SORCS1: variants seen among roughly 807,000 people sequenced by gnomAD.
SORCS1 encodes the protein sortilin related VPS10 domain containing receptor 1, also known as VPS10 domain-containing receptor SorCS1.
A neutral mutation model predicts 146.1 loss-of-function variants in SORCS1; 60 were observed. The observed-to-expected ratio is 0.41, with a 90% confidence interval of 0.33 to 0.51. The LOEUF (loss-of-function observed/expected upper bound fraction) is 0.51. Ranked by LOEUF, SORCS1 falls within the 20% of genes least tolerant of loss-of-function variation. SORCS1 has a pLI of 0.21. For synonymous variants in SORCS1, 637 were observed against 584.0 expected, an observed-to-expected ratio of 1.09 and a Z score of -1.31; for missense variants, 1,352 against 1,487.6, an observed-to-expected ratio of 0.91 and a Z score of 1.50.
intron 1 of SORCS1, among the ~76,000 whole-genome samples, chr10:107,002,785 G>A (rs1957272431): frequency 1.3e-5 from 2 of 152,030 alleles, no homozygotes; most frequent in South Asian, 4.2e-4. Flanking sequence ...AAAACCTAGA[G>A]GAAATAACAA....
chr10:106,732,113 C>T (rs1243473119), intron 5 of SORCS1, among the ~76,000 whole-genome samples: 1 of 152,166 alleles, frequency 6.6e-6, no homozygotes, highest in Non-Finnish European at 1.5e-5. Flanking sequence ...CCTTAAAGCC[C>T]TGTTATCGCT....
chr10:107,071,725 A>C (rs1962441372), intron 1 of SORCS1, among the ~76,000 whole-genome samples: 1 of 152,208 alleles, frequency 6.6e-6, no homozygotes, highest in Non-Finnish European at 1.5e-5. Flanking sequence ...TAACACTCAC[A>C]CTAGTCAGTC....
At chr10:106,892,356 C>A (rs924794654) in intron 2 of SORCS1, among the ~76,000 whole-genome samples, 1 of 152,182 alleles carries the variant, frequency 6.6e-6, no homozygotes, top group Non-Finnish European at 1.5e-5. Flanking sequence ...TGGTTATTTA[C>A]CTACTTCAAA....
At chr10:106,674,628 C>A (rs1161133756) in intron 14 of SORCS1, among the ~76,000 whole-genome samples, 3 of 152,132 alleles carry the variant, frequency 2.0e-5, no homozygotes, top group Admixed American at 1.3e-4. Flanking sequence ...ACAGACTGTT[C>A]TCATGATTTT....
intron 3 of SORCS1, among the ~76,000 whole-genome samples, chr10:106,816,145 T>C (rs1207057580): frequency 6.6e-6 from 1 of 152,202 alleles, no homozygotes; most frequent in Non-Finnish European, 1.5e-5. Context: ...CAACAGAAGG[T>C]AGTGGAAATA....
At chr10:106,865,767 A>G (rs1950203235) in intron 2 of SORCS1, among the ~76,000 whole-genome samples, 1 of 151,206 alleles carries the variant, frequency 6.6e-6, no homozygotes, top group Non-Finnish European at 1.5e-5. Flanking sequence ...AAAAATAAAT[A>G]AATAAAAAGT....
intron 1 of SORCS1, among the ~76,000 whole-genome samples, chr10:107,152,848 T>C (rs1968937943): frequency 6.6e-6 from 1 of 152,162 alleles, no homozygotes; most frequent in African/African-American, 2.4e-5. Context: ...TTTCATCTCT[T>C]CCTCTCTTTT....
At chr10:107,068,931 T>C (rs1446230021) in intron 1 of SORCS1, among the ~76,000 whole-genome samples, 2 of 150,894 alleles carry the variant, frequency 1.3e-5, no homozygotes, top group African/African-American at 4.9e-5. Flanking sequence ...GAGGGAGGCA[T>C]CGCCCAAGTA....
intron 1 of SORCS1, among the ~76,000 whole-genome samples, chr10:107,092,026 C>T (rs969949742): frequency 3.3e-5 from 5 of 152,088 alleles, no homozygotes; most frequent in Middle Eastern, 3.4e-3. Context: ...AAGAGATTTC[C>T]GAGAAGAGCT....
At chr10:107,091,466 G>A (rs1213473964) in intron 1 of SORCS1, among the ~76,000 whole-genome samples, 1 of 152,188 alleles carries the variant, frequency 6.6e-6, no homozygotes, top group African/African-American at 2.4e-5. Flanking sequence ...ATTTCCTGGA[G>A]GATAAATCTT....
chr10:106,820,259 T>C (rs1001950897), intron 3 of SORCS1, among the ~76,000 whole-genome samples: 3 of 152,212 alleles, frequency 2.0e-5, no homozygotes, highest in African/African-American at 7.2e-5. Flanking sequence ...CCAGCTGTTA[T>C]ATTGTATATA....
At chr10:106,890,672 A>G (rs935656499) in intron 2 of SORCS1, among the ~76,000 whole-genome samples, 3 of 152,200 alleles carry the variant, frequency 2.0e-5, no homozygotes, top group African/African-American at 7.2e-5. Flanking sequence ...TTCTTAAGTT[A>G]CCAGAAGTTT....
intron 1 of SORCS1, among the ~76,000 whole-genome samples, chr10:107,023,461 A>T (rs2133884017): frequency 6.6e-6 from 1 of 152,366 alleles, no homozygotes; most frequent in East Asian, 1.9e-4. Flanking sequence ...TTCATGCACC[A>T]AATTTAATCC....
At chr10:106,587,210 C>T (rs1171210143) in intron 24 of SORCS1, among the ~76,000 whole-genome samples, 2 of 151,958 alleles carry the variant, frequency 1.3e-5, no homozygotes, top group Non-Finnish European at 2.9e-5. Context: ...ATATCGGTAC[C>T]AAGGCTTTAC....
chr10:107,025,357 G>A (rs6584784), intron 1 of SORCS1, among the ~76,000 whole-genome samples: 58,618 of 151,920 alleles, frequency 0.39, 11,636 homozygotes, highest in African/African-American at 0.48. Flanking sequence ...GTTCTTGAAG[G>A]CTCAAGCAGA....
intron 2 of SORCS1, among the ~76,000 whole-genome samples, chr10:106,916,090 G>A (rs1952412964): frequency 6.6e-6 from 1 of 152,140 alleles, no homozygotes; most frequent in Admixed American, 6.5e-5. Context: ...TGTCACTCTT[G>A]CCTAGGTAGA....
intron 1 of SORCS1, among the ~76,000 whole-genome samples, chr10:107,129,103 C>G (rs1966844407): frequency 1.3e-5 from 2 of 152,234 alleles, no homozygotes; most frequent in Admixed American, 6.5e-5. Context: ...AAGTACAAGT[C>G]TTGCTGGAGC....
intron 1 of SORCS1, among the ~76,000 whole-genome samples, chr10:107,012,847 CCT>C (rs1247795697): frequency 6.6e-6 from 1 of 152,090 alleles, no homozygotes; most frequent in African/African-American, 2.4e-5. Context: ...TTGGCTAGCT[CCT>C]CTCTTTCCCC....
At chr10:107,006,431 G>A (rs903755127) in intron 1 of SORCS1, among the ~76,000 whole-genome samples, 1 of 152,196 alleles carries the variant, frequency 6.6e-6, no homozygotes, top group Non-Finnish European at 1.5e-5. Context: ...ATGAACAGGT[G>A]AAAGAACCCC....
Sources: allele counts gnomAD v4.1 joint callset (sites outside exome capture counted in the v4.1 genomes callset), GRCh38; gene constraint gnomAD v4.1.1; transcripts MANE v1.5; gene names NCBI Gene and HGNC (gene_info 2026-07-23, HGNC 2026-07-21).